TMEM233: variants seen among roughly 807,000 people sequenced by gnomAD.
TMEM233 encodes the protein dispanin subfamily B member 2.
TMEM233 carries 6 observed loss-of-function variants against 11.2 expected under a neutral mutation model. The ratio of observed to expected loss-of-function variants is 0.54; its 90% CI spans 0.29 to 1.06. The LOEUF is 1.06. Ranked by LOEUF, TMEM233 falls within the 50% of genes least tolerant of loss-of-function variation. The probability of loss-of-function intolerance (pLI) is 0.08; values close to 1 mark genes in which losing one functional copy is unlikely to be tolerated. For synonymous variants in TMEM233, 59 were observed against 55.8 expected, an observed-to-expected ratio of 1.06 and a Z score of -0.26; for missense variants, 127 against 144.7, an observed-to-expected ratio of 0.88 and a Z score of 0.63.
intron 1 of TMEM233, among the ~76,000 whole-genome samples, chr12:119,624,254 GGA>G (rs1475572222): frequency 6.6e-6 from 1 of 151,976 alleles, no homozygotes; most frequent in South Asian, 2.1e-4. Flanking sequence ...CAGCTACTCA[GGA>G]GGCTGAAGTG....
intron 2 of TMEM233, among the ~76,000 whole-genome samples, chr12:119,637,803 G>C (rs1370794783): frequency 6.6e-6 from 1 of 152,080 alleles, no homozygotes; most frequent in Non-Finnish European, 1.5e-5. Flanking sequence ...CATTGATGAA[G>C]AAATCAGAAT....
chr12:119,628,453 G>A (rs991482820), intron 1 of TMEM233, among the ~76,000 whole-genome samples: 101 of 146,068 alleles, frequency 6.9e-4, no homozygotes, highest in Admixed American at 6.5e-3. Flanking sequence ...GAGCCAGCAC[G>A]CCCGGCCTAA....
chr12:119,634,495 C>A (rs1471892773), intron 2 of TMEM233, among the ~76,000 whole-genome samples: 1 of 151,974 alleles, frequency 6.6e-6, no homozygotes, highest in Non-Finnish European at 1.5e-5. Context: ...TACCTGTCAT[C>A]CTAGCTATTT....
the TMEM233 span, among the ~76,000 whole-genome samples, chr12:119,653,978 A>T: frequency 1.3e-5 from 2 of 151,794 alleles, no homozygotes; most frequent in South Asian, 2.1e-4. Context: ...AGCTAAAAAA[A>T]AAAAAAACAA....
downstream of TMEM233, among the ~76,000 whole-genome samples, chr12:119,645,900 T>G (rs114363222): frequency 6.6e-6 from 1 of 152,074 alleles, no homozygotes; most frequent in Non-Finnish European, 1.5e-5. Context: ...TTGTACTAGT[T>G]GGAGTGAAAG....
rs1449714373 is a variant in TMEM233 at position 119,626,538 on chromosome 12, G to GGAGAAGGGAGAA, written c.187-3192_187-3191insGGAGAAGAGAAG. Among the ~76,000 whole-genome samples the GGAGAAGGGAGAA allele has an allele frequency of 1.1e-3, 67 of 63,792 alleles. 1 individual carries two copies. Among genetic ancestry groups the GGAGAAGGGAGAA allele is most frequent in the African/African-American group, 3.6e-3 (59 of 16,462 alleles). The allele number at this position is 63,792 out of a possible 152,430, so 41.9% of individuals were successfully genotyped here. On this transcript the variant is annotated intron_variant, in intron 1 of 2. Transcript: ENST00000426426. ...AGGAGGAGAAGGGAGAAGGGAGAAG[G>GGAGAAGGGAGAA]GAGAAGAGAAGAGAAGAGAAGAGAA... is the stretch of plus-strand genomic sequence containing the variant.
chr12:119,640,236 G>A (rs1252770898), intron 2 of TMEM233, among the ~76,000 whole-genome samples: 6 of 152,128 alleles, frequency 3.9e-5, no homozygotes, highest in African/African-American at 1.4e-4. Context: ...CTCACTGCAA[G>A]CTCCGCCTCC....
intron 1 of TMEM233, among the ~76,000 whole-genome samples, chr12:119,617,948 G>C (rs919792138): frequency 1.3e-5 from 2 of 152,236 alleles, no homozygotes; most frequent in South Asian, 4.1e-4. Flanking sequence ...TGGCATGTTA[G>C]AGACTTTGAA....
chr12:119,607,280 C>T (rs757345860), intron 1 of TMEM233, among the ~76,000 whole-genome samples: 20 of 152,128 alleles, frequency 1.3e-4, no homozygotes, highest in Non-Finnish European at 2.1e-4. Flanking sequence ...ATTATTTAAC[C>T]TCTCTGAGTC....
chr12:119,625,170 T>C (rs1954725805), intron 1 of TMEM233, among the ~76,000 whole-genome samples: 1 of 152,186 alleles, frequency 6.6e-6, no homozygotes, highest in Non-Finnish European at 1.5e-5. Flanking sequence ...AATGGAAGGT[T>C]CCGGAAGCAG....
At chr12:119,630,992 GA>G (rs1375526258) in intron 2 of TMEM233, 1 of 152,156 alleles carries the variant, frequency 6.6e-6, no homozygotes, top group Non-Finnish European at 1.5e-5. Flanking sequence ...AATTTATTCT[GA>G]TTTCTCTAAC....
At chr12:119,645,419 G>C (rs1955137650), downstream of TMEM233, among the ~76,000 whole-genome samples, 1 of 151,020 alleles carries the variant, frequency 6.6e-6, no homozygotes, top group Admixed American at 6.6e-5. Context: ...TTTAAGTCTG[G>C]GGAATTGCCC....
intron 1 of TMEM233, among the ~76,000 whole-genome samples, chr12:119,598,785 T>G (rs1257145839): frequency 6.6e-6 from 1 of 152,256 alleles, no homozygotes; most frequent in Non-Finnish European, 1.5e-5. Context: ...TCGATCTTTC[T>G]GAAGCTTGGT....
At chr12:119,596,175 A>C (rs548553443) in intron 1 of TMEM233, among the ~76,000 whole-genome samples, 3 of 152,330 alleles carry the variant, frequency 2.0e-5, no homozygotes, top group Admixed American at 2.0e-4. Flanking sequence ...TGCTGCAGCC[A>C]AATTCTCCAG....
At chr12:119,608,554 C>T (rs919207215) in intron 1 of TMEM233, among the ~76,000 whole-genome samples, 14 of 152,210 alleles carry the variant, frequency 9.2e-5, no homozygotes, top group Non-Finnish European at 1.3e-4. Context: ...CCAGCCTTCT[C>T]TTCCAATGAT....
At chr12:119,648,627 C>T in the TMEM233 span, among the ~76,000 whole-genome samples, 4 of 152,228 alleles carry the variant, frequency 2.6e-5, no homozygotes. Flanking sequence ...TAATATCTGT[C>T]TTTCCCAGCA....
At chr12:119,625,543 T>A (rs1310985660) in intron 1 of TMEM233, among the ~76,000 whole-genome samples, 1 of 152,076 alleles carries the variant, frequency 6.6e-6, no homozygotes, top group Non-Finnish European at 1.5e-5. Flanking sequence ...TAAATAAATA[T>A]TTCCAGTCTT....
chr12:119,638,726 G>A (rs940586703), intron 2 of TMEM233, among the ~76,000 whole-genome samples: 8 of 151,948 alleles, frequency 5.3e-5, no homozygotes, highest in South Asian at 2.1e-4. Flanking sequence ...ATGATGGGAC[G>A]CCACACTGCA....
At chr12:119,604,538 T>A (rs552949938) in intron 1 of TMEM233, among the ~76,000 whole-genome samples, 1 of 152,354 alleles carries the variant, frequency 6.6e-6, no homozygotes, top group African/African-American at 2.4e-5. Flanking sequence ...GAAGATTGCA[T>A]GGTACTCCAT....
Sources: allele counts gnomAD v4.1 joint callset (sites outside exome capture counted in the v4.1 genomes callset), GRCh38; gene constraint gnomAD v4.1.1; transcripts MANE v1.5; gene names NCBI Gene and HGNC (gene_info 2026-07-23, HGNC 2026-07-21).